SPP2: variants seen among roughly 807,000 people sequenced by gnomAD.
SPP2 encodes secreted phosphoprotein 2.
In SPP2, 34 loss-of-function variants were observed where a neutral mutation model predicts 28.8. The observed-to-expected ratio is 1.18, with a 90% CI of 0.90 to 1.57. The LOEUF (loss-of-function observed/expected upper bound fraction) is 1.57, where lower values mean the gene tolerates loss of function less well. Ranked by LOEUF, SPP2 falls within the 40% of genes most tolerant of loss-of-function variation. The pLI is 0.00. For synonymous variants in SPP2, 96 were observed against 89.4 expected (o/e 1.07, Z -0.42); for missense variants, 269 against 263.9 (o/e 1.02, Z -0.13).
At chr2:234,072,303 A>G (rs1690805601) in intron 7 of SPP2, among the ~76,000 whole-genome samples, 1 of 152,216 alleles carries the variant, frequency 6.6e-6, no homozygotes, top group Non-Finnish European at 1.5e-5. Context: ...AACTCTAAAT[A>G]TAAAAACCAG....
intron 4 of SPP2, among the ~76,000 whole-genome samples, chr2:234,064,708 C>G (rs1343005435): frequency 6.6e-6 from 1 of 152,180 alleles, no homozygotes; most frequent in Non-Finnish European, 1.5e-5. Context: ...AACAGTTGTT[C>G]TCTATTCCTC....
chr2:234,053,130 G>A (rs1229248054), intron 2 of SPP2, among the ~76,000 whole-genome samples: 2 of 151,976 alleles, frequency 1.3e-5, no homozygotes, highest in South Asian at 2.1e-4. Context: ...AATTAAAATA[G>A]CAATGTGAAA....
At chr2:234,058,136 G>A (rs10171064) in intron 2 of SPP2, among the ~76,000 whole-genome samples, 37,096 of 151,938 alleles carry the variant, frequency 0.24, 4,841 homozygotes, top group South Asian at 0.47. Context: ...TTGAACTCAC[G>A]ACCAACAGCA....
rs565034601 is a variant in SPP2, at chr2:234,068,668, G to A, written c.551-1260G>A. Among the ~76,000 whole-genome samples the A allele has an allele frequency of 1.4e-3, 206 of 145,508 alleles. 1 individual carries two copies. The highest frequency in any genetic ancestry group is 5.1e-3 in the African/African-American group (202 of 39,420). On this transcript the variant is annotated intron_variant, in intron 6 of 7. Transcript: ENST00000168148. ...GACCACTGCTGAAACGTTTTTATGA[G>A]CTTTTCTTTTAGAATTGCCTTCAGA...
chr2:234,065,973 C>T (rs1693810275), intron 4 of SPP2, among the ~76,000 whole-genome samples: 1 of 152,162 alleles, frequency 6.6e-6, no homozygotes, highest in Non-Finnish European at 1.5e-5. Context: ...CTTAAATTGT[C>T]TTGGTATGTG....
At chr2:234,063,587 T>A (rs1272492400) in intron 4 of SPP2, among the ~76,000 whole-genome samples, 1 of 152,216 alleles carries the variant, frequency 6.6e-6, no homozygotes, top group Non-Finnish European at 1.5e-5. Flanking sequence ...TATCGGTAGT[T>A]TTTATTATTT....
intron 2 of SPP2, among the ~76,000 whole-genome samples, chr2:234,054,759 A>G (rs934582550): frequency 2.6e-5 from 4 of 152,106 alleles, no homozygotes; most frequent in Non-Finnish European, 5.9e-5. Context: ...CAATCTTTCC[A>G]GCTGCTGTGT....
At chr2:234,065,461 G>A (rs1005977402) in intron 4 of SPP2, among the ~76,000 whole-genome samples, 3 of 152,134 alleles carry the variant, frequency 2.0e-5, no homozygotes, top group Admixed American at 6.5e-5. Context: ...TGTATTTTTA[G>A]TAGAGACGGG....
intron 4 of SPP2, among the ~76,000 whole-genome samples, chr2:234,062,766 C>T (rs893381442): frequency 1.3e-5 from 2 of 152,134 alleles, no homozygotes; most frequent in Non-Finnish European, 2.9e-5. Flanking sequence ...TAGTAAATGG[C>T]CAGCTAAGTT....
intron 2 of SPP2, among the ~76,000 whole-genome samples, chr2:234,056,706 TATTTTTTA>T (rs1693614886): frequency 6.6e-6 from 1 of 152,188 alleles, no homozygotes; most frequent in Non-Finnish European, 1.5e-5. Flanking sequence ...GAGAGATTTT[TATTTTTTA>T]ATTTTTTAAT....
intron 3 of SPP2, 131 bp from the exon 4 acceptor site, chr2:234,060,238 A>G (rs1693690782): frequency 9.4e-6 from 6 of 638,290 alleles, no homozygotes; most frequent in Middle Eastern, 2.5e-4. Flanking sequence ...TTTTGAAAAA[A>G]TAAAATGCCT....
At chr2:234,070,951 G>T (rs575512140) in intron 7 of SPP2, among the ~76,000 whole-genome samples, 1 of 152,130 alleles carries the variant, frequency 6.6e-6, no homozygotes, top group East Asian at 1.9e-4. Flanking sequence ...CTGCCTCTTG[G>T]GTGGTGTTGC....
intron 7 of SPP2, among the ~76,000 whole-genome samples, chr2:234,074,635 G>A (rs1351163204): frequency 2.0e-5 from 3 of 152,186 alleles, no homozygotes; most frequent in African/African-American, 7.2e-5. Flanking sequence ...ATTATCTGAG[G>A]CAGCTATGGT....
At chr2:234,059,570 C>G (rs1366648207) in intron 3 of SPP2, among the ~76,000 whole-genome samples, 1 of 151,964 alleles carries the variant, frequency 6.6e-6, no homozygotes, top group Non-Finnish European at 1.5e-5. Context: ...ACAAAAAACA[C>G]TTCATAGGGA....
At chr2:234,074,772 C>T (rs1186038623) in intron 7 of SPP2, among the ~76,000 whole-genome samples, 2 of 152,138 alleles carry the variant, frequency 1.3e-5, no homozygotes, top group South Asian at 2.1e-4. Flanking sequence ...TATAACCTTG[C>T]TTTATGTGTG....
At chr2:234,054,475 A>G (rs10172000) in intron 2 of SPP2, among the ~76,000 whole-genome samples, 51,870 of 152,042 alleles carry the variant, frequency 0.34, 9,150 homozygotes, top group South Asian at 0.5. Flanking sequence ...CTCAGAATTC[A>G]GGAGGCTGAG....
intron 2 of SPP2, among the ~76,000 whole-genome samples, chr2:234,054,747 T>C (rs1301064178): frequency 6.6e-6 from 1 of 152,170 alleles, no homozygotes; most frequent in Non-Finnish European, 1.5e-5. Context: ...AACAGTCCAT[T>C]GCAATCTTTC....
At chr2:234,056,312 G>A (rs1693606926) in intron 2 of SPP2, 1 of 152,110 alleles carries the variant, frequency 6.6e-6, no homozygotes, top group African/African-American at 2.4e-5. Flanking sequence ...AAAGACACAT[G>A]AAAAAATGCT....
Position 234,072,213 on chromosome 2 carries a change from A to G in SPP2, c.*10+2190A>G, listed in dbSNP as rs146175309. The stretch of plus-strand genomic sequence containing the variant: ...GAAAGAAATCAACTGACATTTTACT[A>G]AAATAGAAGGGAAATTCACCATTGA... On this transcript the variant is annotated intron_variant, in intron 7 of 7. Transcript: ENST00000168148. 7.5e-3 allele frequency among the ~76,000 whole-genome samples: 1,137 copies of G among 152,342 alleles called. 12 individuals are homozygous for G. The highest frequency in any genetic ancestry group is 0.026 in the African/African-American group (1,088 of 41,590).
Sources: allele counts gnomAD v4.1 joint callset (sites outside exome capture counted in the v4.1 genomes callset), GRCh38; gene constraint gnomAD v4.1.1; transcripts MANE v1.5; gene names NCBI Gene and HGNC (gene_info 2026-07-23, HGNC 2026-07-21).